AK6: variants seen among roughly 807,000 people sequenced by gnomAD.
The protein encoded by AK6 is adenylate kinase 6.
In AK6, 24 loss-of-function variants were observed where a neutral mutation model predicts 23.7. The observed-to-expected ratio is 1.01, with a 90% CI of 0.73 to 1.43. The LOEUF (loss-of-function observed/expected upper bound fraction) is 1.43, where lower values mean the gene tolerates loss of function less well. Among genes scored for constraint, AK6 ranks in the 40% most tolerant of loss-of-function variants. AK6 has a pLI of 0.00. For synonymous variants in AK6, 73 were observed against 69.8 expected (o/e 1.05, Z -0.23); for missense variants, 191 against 199.1 (o/e 0.96, Z 0.24).
chr5:69,354,758 G>T (rs898578536), intron 4 of AK6, among the ~76,000 whole-genome samples: 13 of 152,226 alleles, frequency 8.5e-5, no homozygotes, highest in African/African-American at 2.9e-4. Context: ...AATAAGCAAA[G>T]AATATGTTAG....
At position 69,355,919 on chromosome 5, in the gene AK6, G is replaced by A. The variant is rs772764994; in HGVS notation, c.156C>T (p.Asp52=). The change falls in exon 3 of 5, where the codon GAC becomes GAT. Residue 52 remains aspartate, a synonymous_variant. Coordinates refer to ENST00000380822, the MANE Select transcript of AK6 (RefSeq NM_016283.5). ...CTCTGTCTTCATCTAAAATGGGACA[G>A]TCATACTCTTCATCATAGCCATCAT... ...QLYDGYDEEY[D]CPILDEDRVV... 6.2e-7 allele frequency: 1 copy of A among 1,610,034 alleles called. No homozygotes were observed. The highest frequency in any genetic ancestry group is 8.5e-7 in the Non-Finnish European group (1 of 1,178,836).
At chr5:69,352,365 T>A in intron 4 of AK6, 112 bp from the exon 5 acceptor site, 1 of 789,590 alleles carries the variant, frequency 1.3e-6, no homozygotes, top group Non-Finnish European at 2.0e-6. Flanking sequence ...ATTACAGAAA[T>A]GGTCTCTTCA....
At chr5:69,366,638 C>T (rs1444170140) in intron 1 of AK6, 43 bp from the exon 2 acceptor site, 2 of 1,345,998 alleles carry the variant, frequency 1.5e-6, no homozygotes, top group East Asian at 2.3e-5. Context: ...TGAAATACTA[C>T]TTATCACACT....
intron 2 of AK6, 139 bp from the exon 3 acceptor site, chr5:69,356,092 T>C: frequency 1.5e-6 from 1 of 687,102 alleles, no homozygotes; most frequent in Non-Finnish European, 2.4e-6. Flanking sequence ...ACAAAATAAA[T>C]GTTACATAAA....
At chr5:69,363,587 A>T (rs750432505) in intron 2 of AK6, among the ~76,000 whole-genome samples, 20 of 151,992 alleles carry the variant, frequency 1.3e-4, no homozygotes, top group Non-Finnish European at 1.9e-4. Context: ...GATCGAGACC[A>T]ACCTGGTTAA....
Position 69,351,815 on chromosome 5 carries a change from T to C in AK6, c.*246A>G, listed in dbSNP as rs1326860062. 1 of 347,394 alleles carries C rather than the reference T, an allele frequency of 2.9e-6. No homozygotes were observed. The highest frequency in any genetic ancestry group is 4.7e-5 in the Admixed American group (1 of 21,374). 21.5% of individuals were successfully genotyped at this position (347,394 alleles called of 1,614,324 possible). A position where few individuals can be genotyped will look rare whatever the true frequency, so the allele number is the denominator to read the frequency against. On this transcript the variant is annotated 3_prime_UTR_variant, in exon 5 of 5. Transcript: ENST00000380822. ...ATATCCACCCATTTTGTCAGATTTATTTATTCTTTAGCAATTTAAGTATTA... is the reference window on the plus strand; with the variant it reads ...ATATCCACCCATTTTGTCAGATTTACTTATTCTTTAGCAATTTAAGTATTA...
chr5:69,366,617 A>C, intron 1 of AK6, 22 bp from the exon 2 acceptor site: 2 of 1,562,942 alleles, frequency 1.3e-6, no homozygotes, highest in Non-Finnish European at 1.8e-6. Flanking sequence ...GCCACAGAAA[A>C]ATACTGTTTG....
chr5:69,364,112 A>C (rs947796754), intron 2 of AK6, among the ~76,000 whole-genome samples: 1 of 152,094 alleles, frequency 6.6e-6, no homozygotes, highest in Non-Finnish European at 1.5e-5. Context: ...AATGAAATGG[A>C]AAATGAGTAG....
upstream of AK6, chr5:69,369,823 T>C: frequency 9.9e-7 from 1 of 1,013,832 alleles, no homozygotes; most frequent in Non-Finnish European, 1.5e-6. Flanking sequence ...AGGCCGTACC[T>C]CCGAGAGGCT....
intron 2 of AK6, among the ~76,000 whole-genome samples, chr5:69,356,642 C>A (rs966465327): frequency 6.6e-6 from 1 of 152,030 alleles, no homozygotes; most frequent in Non-Finnish European, 1.5e-5. Flanking sequence ...CAGAGCAGGA[C>A]CCTGTCTCCA....
At position 69,366,511 on chromosome 5, in the gene AK6, G is replaced by A. The variant is rs1762432490; in HGVS notation, c.113C>T (p.Ala38Val). 3 of 1,612,858 alleles carry A rather than the reference G, an allele frequency of 1.9e-6. No homozygotes were observed. The highest frequency in any genetic ancestry group is 2.5e-6 in the Non-Finnish European group (3 of 1,179,586). ...GLKYINVGDL[A>V]REEQLYDGYD... ...ACCAAAGTGTCCCTTACCTTCTCGA[G>A]CTAAATCACCCACATTAATGTATTT... The change falls in exon 2 of 5, where the codon GCT becomes GTT. Residue 38 changes from alanine (A) to valine (V), a missense_variant. Transcript: ENST00000380822.
intron 2 of AK6, among the ~76,000 whole-genome samples, chr5:69,361,010 A>C (rs1184608906): frequency 1.3e-5 from 2 of 152,222 alleles, no homozygotes. Context: ...ACAGAGGCCG[A>C]AGACCGAAAA....
At chr5:69,363,503 G>A (rs976960862) in intron 2 of AK6, among the ~76,000 whole-genome samples, 16 of 152,222 alleles carry the variant, frequency 1.1e-4, no homozygotes, top group African/African-American at 3.6e-4. Flanking sequence ...AGAAAGGCCG[G>A]GCTGGGCGCG....
intron 2 of AK6, among the ~76,000 whole-genome samples, chr5:69,361,211 T>C (rs1427079583): frequency 6.4e-4 from 98 of 152,234 alleles, no homozygotes; most frequent in Non-Finnish European, 1.8e-4. Context: ...TAGAGTGCAG[T>C]GGCGCGATCT....
chr5:69,360,403 C>G (rs1488569011), intron 2 of AK6, among the ~76,000 whole-genome samples: 2 of 152,042 alleles, frequency 1.3e-5, no homozygotes, highest in Admixed American at 6.6e-5. Flanking sequence ...GAGGAGTGGG[C>G]AAGTATAGTC....
chr5:69,366,271 C>T (rs781436979), intron 2 of AK6, among the ~76,000 whole-genome samples: 1 of 152,170 alleles, frequency 6.6e-6, no homozygotes, highest in Non-Finnish European at 1.5e-5. Flanking sequence ...TAGGAGCCTT[C>T]CCAACTATTC....
chr5:69,357,949 A>C (rs1762124571), intron 2 of AK6, among the ~76,000 whole-genome samples: 2 of 152,204 alleles, frequency 1.3e-5, no homozygotes, highest in South Asian at 4.1e-4. Flanking sequence ...ACATAGTTTA[A>C]AAATACTATG....
At chr5:69,354,172 T>C (rs1316128301) in intron 4 of AK6, among the ~76,000 whole-genome samples, 2 of 152,196 alleles carry the variant, frequency 1.3e-5, no homozygotes, top group Non-Finnish European at 2.9e-5. Context: ...AGTTTTTTCA[T>C]ACCTTAGTCT....
chr5:69,363,511 G>A (rs922468759), intron 2 of AK6, among the ~76,000 whole-genome samples: 7 of 152,178 alleles, frequency 4.6e-5, no homozygotes, highest in Admixed American at 1.3e-4. Context: ...CGGGCTGGGC[G>A]CGGTGGCCCA....
Sources: gnomAD v4.1 joint callset for allele counts (sites outside exome capture counted in the v4.1 genomes callset) on GRCh38, gnomAD v4.1.1 for gene constraint, MANE v1.5 for transcripts, NCBI Gene and HGNC (gene_info 2026-07-23, HGNC 2026-07-21) for gene names.